The following EDA variants were observed in gnomAD, a reference collection of about 807,000 sequenced individuals.
EDA encodes the protein ectodysplasin-A.
In EDA, 2 loss-of-function variants were observed where a neutral mutation model predicts 23.6. The ratio of observed to expected loss-of-function variants is 0.08; its 90% CI spans 0.03 to 0.27. The LOEUF (loss-of-function observed/expected upper bound fraction) is 0.27, where lower values mean the gene tolerates loss of function less well. Among genes scored for constraint, EDA ranks in the 10% least tolerant of loss-of-function variants. EDA has a pLI of 1.00. For synonymous variants in EDA, 131 were observed against 132.0 expected (o/e 0.99, Z 0.05); for missense variants, 229 against 324.2 (o/e 0.71, Z 2.26).
intron 1 of EDA, among the ~76,000 whole-genome samples, chrX:69,951,573 A>G (rs768822591): frequency 9.0e-6 from 1 of 111,725 alleles, no homozygotes; most frequent in South Asian, 3.7e-4. Context: ...CTTATGAGTA[A>G]TTTTCTATGA....
intron 1 of EDA, among the ~76,000 whole-genome samples, chrX:69,867,345 G>A (rs12846525): frequency 0.3 from 33,405 of 111,171 alleles, 4,701 homozygotes; most frequent in Middle Eastern, 0.54. Context: ...TCACCTGTTG[G>A]TGAGCATTCA....
chrX:70,014,345 G>A (rs2019918198), intron 2 of EDA, among the ~76,000 whole-genome samples: 3 of 112,821 alleles, frequency 2.7e-5, no homozygotes, highest in Non-Finnish European at 3.7e-5. Flanking sequence ...CGTACCCCCC[G>A]ATAAAATCAA....
intron 1 of EDA, among the ~76,000 whole-genome samples, chrX:69,914,367 G>A (rs749805979): frequency 1.8e-5 from 2 of 111,963 alleles, no homozygotes; most frequent in South Asian, 7.5e-4. Flanking sequence ...AAGATTAAGC[G>A]ACCTTCCCAG....
At chrX:69,681,806 CCTT>C (rs769438358) in intron 1 of EDA, among the ~76,000 whole-genome samples, 52 of 111,660 alleles carry the variant, frequency 4.7e-4, no homozygotes, top group African/African-American at 1.7e-3. Context: ...TCGTCTGAAG[CCTT>C]CTTCTCTCAG....
chrX:69,941,483 T>C (rs1333085840), intron 1 of EDA, among the ~76,000 whole-genome samples: 1 of 111,391 alleles, frequency 9.0e-6, no homozygotes, highest in African/African-American at 3.3e-5. Context: ...ATATTTAAAA[T>C]TGTTATATCC....
chrX:69,631,642 T>C (rs1186485225), intron 1 of EDA, among the ~76,000 whole-genome samples: 2 of 109,661 alleles, frequency 1.8e-5, no homozygotes, highest in South Asian at 7.9e-4. Flanking sequence ...TTTTCTTTTT[T>C]TTTTTGTGGT....
At chrX:69,744,089 A>T (rs1489840112) in intron 1 of EDA, among the ~76,000 whole-genome samples, 1 of 111,451 alleles carries the variant, frequency 9.0e-6, no homozygotes, top group South Asian at 3.8e-4. Flanking sequence ...CCTTCCCTGT[A>T]TGATGTTCTC....
chrX:69,635,891 C>T (rs957202953), intron 1 of EDA, among the ~76,000 whole-genome samples: 2 of 110,574 alleles, frequency 1.8e-5, no homozygotes, highest in African/African-American at 6.6e-5. Flanking sequence ...AAGGCCACCA[C>T]CAACCCAGTT....
intron 1 of EDA, among the ~76,000 whole-genome samples, chrX:69,881,304 C>A (rs1214313506): frequency 9.0e-6 from 1 of 110,745 alleles, no homozygotes; most frequent in East Asian, 2.8e-4. Flanking sequence ...CAAAAAAAAC[C>A]TCTTACTAGA....
chrX:69,903,369 A>G (rs2018124536), intron 1 of EDA, among the ~76,000 whole-genome samples: 1 of 111,233 alleles, frequency 9.0e-6, no homozygotes, highest in Non-Finnish European at 1.9e-5. Context: ...TCTGTCATAT[A>G]TCCTTTGAAT....
At chrX:69,695,861 A>T (rs2011322358) in intron 1 of EDA, among the ~76,000 whole-genome samples, 1 of 111,222 alleles carries the variant, frequency 9.0e-6, no homozygotes, top group Admixed American at 9.6e-5. Flanking sequence ...ACAAGGAATC[A>T]TCTTGATAAA....
At chrX:69,733,988 T>G (rs1364239285) in intron 1 of EDA, among the ~76,000 whole-genome samples, 1 of 111,282 alleles carries the variant, frequency 9.0e-6, no homozygotes, top group Non-Finnish European at 1.9e-5. Flanking sequence ...TCTCTTGTAT[T>G]TCCTGAAAGT....
intron 1 of EDA, among the ~76,000 whole-genome samples, chrX:69,864,559 C>T (rs1370504410): frequency 1.8e-5 from 2 of 112,121 alleles, no homozygotes; most frequent in Non-Finnish European, 3.8e-5. Flanking sequence ...TGTTCTTTAA[C>T]ACCCCCAGAA....
chrX:70,016,372 C>T (rs1268198441), intron 2 of EDA, among the ~76,000 whole-genome samples: 1 of 109,694 alleles, frequency 9.1e-6, no homozygotes, highest in African/African-American at 3.3e-5. Flanking sequence ...GATACTTGAC[C>T]AAATGAGCCT....
intron 1 of EDA, among the ~76,000 whole-genome samples, chrX:69,887,009 C>T (rs1160735272): frequency 8.2e-5 from 9 of 110,298 alleles, no homozygotes; most frequent in African/African-American, 2.6e-4. Flanking sequence ...CAATTACTGA[C>T]GGCAAGAAAT....
At chrX:69,939,665 G>C (rs1307732080) in intron 1 of EDA, among the ~76,000 whole-genome samples, 1 of 111,250 alleles carries the variant, frequency 9.0e-6, no homozygotes, top group Non-Finnish European at 1.9e-5. Context: ...TCTTATTCCA[G>C]ATCTTGGAGA....
intron 1 of EDA, among the ~76,000 whole-genome samples, chrX:69,627,598 A>G (rs986619288): frequency 1.8e-5 from 2 of 111,776 alleles, no homozygotes; most frequent in Non-Finnish European, 3.8e-5. Flanking sequence ...GCTCATCTCC[A>G]TTTGAGAACG....
intron 1 of EDA, among the ~76,000 whole-genome samples, chrX:69,663,221 C>T (rs756262391): frequency 1.1e-3 from 128 of 111,687 alleles, no homozygotes; most frequent in Non-Finnish European, 9.6e-4. Flanking sequence ...GAGGTTTCCA[C>T]GGCAGCCCCT....
intron 1 of EDA, among the ~76,000 whole-genome samples, chrX:69,770,783 T>A (rs1002243655): frequency 2.7e-5 from 3 of 110,319 alleles, no homozygotes; most frequent in African/African-American, 9.9e-5. Context: ...GTGCCAAGTC[T>A]GAAAACTCTT....
Sources: gnomAD v4.1 joint callset for allele counts (sites outside exome capture counted in the v4.1 genomes callset) on GRCh38, gnomAD v4.1.1 for gene constraint, MANE v1.5 for transcripts, NCBI Gene and HGNC (gene_info 2026-07-23, HGNC 2026-07-21) for gene names.